Variants in PDE4A observed in about 807,000 individuals in gnomAD.
PDE4A encodes the protein 3',5'-cyclic-AMP phosphodiesterase 4A.
PDE4A carries 21 observed loss-of-function variants against 73.9 expected under a neutral mutation model. The observed-to-expected ratio is 0.28, with a 90% CI of 0.20 to 0.41. PDE4A has a LOEUF of 0.41. PDE4A is among the 10% of genes least tolerant of loss of function. The pLI is 1.00. For missense variants in PDE4A, 958 were observed against 1,211.4 expected (o/e 0.79, Z 3.10); for synonymous variants, 463 against 505.4 (o/e 0.92, Z 1.13).
chr19:10,446,901 C>CTTTTTTTCTCTTTTTTTTT, intron 2 of PDE4A, among the ~76,000 whole-genome samples: 1 of 145,508 alleles, frequency 6.9e-6, no homozygotes, highest in East Asian at 2.0e-4. Flanking sequence ...GCCTCAGTTC[C>CTTTTTTTCTCTTTTTTTTT]TTTTTTTTTT....
intron 1 of PDE4A, among the ~76,000 whole-genome samples, chr19:10,440,460 G>T (rs1215857426): frequency 6.6e-6 from 1 of 152,194 alleles, no homozygotes; most frequent in African/African-American, 2.4e-5. Flanking sequence ...GTCTCACTCT[G>T]TTGCCCAGGC....
chr19:10,463,699 C>T, intron 13 of PDE4A, 94 bp from the exon 14 acceptor site: 3 of 1,566,214 alleles, frequency 1.9e-6, no homozygotes, highest in East Asian at 2.3e-5. Context: ...CAGTGCCTGG[C>T]CCCCATTTCT....
At position 10,467,441 on chromosome 19, in the gene PDE4A, G is replaced by A; in HGVS notation, c.2481G>A (p.Leu827=). ...CCCTTCTCCCTGCTTGGAGGACCCT[G>A]TCTGTTTCAGAGCATGCCCCGGGCC... ...QSPLLPAWRT[L]SVSEHAPGLP... is the part of the protein sequence containing the mutation. Residue 827 remains leucine (L), a synonymous_variant, in exon 15 of 15, where the codon CTG becomes CTA. Coordinates refer to ENST00000380702, the MANE Select transcript of PDE4A (RefSeq NM_001111307.2). 2 of 1,613,790 alleles carry A rather than the reference G, an allele frequency of 1.2e-6. No individual in the cohort carries two copies. The highest frequency in any genetic ancestry group is 1.7e-6 in the Non-Finnish European group (2 of 1,179,866).
chr19:10,450,861 C>T lies in PDE4A; in HGVS notation c.703C>T (p.Leu235=), dbSNP rs1323371380. The T allele has an allele frequency of 6.2e-7, 1 of 1,611,816 alleles. No homozygotes were observed. Among genetic ancestry groups the T allele is most frequent in the African/African-American group, 1.3e-5 (1 of 74,924 alleles). ...GTGTCAGCAGTTGGCCCGGGAGACT[C>T]TGGAGGAGCTGGACTGGTGTCTGGA... The part of the protein sequence containing the change: ...ETCQQLARET[L]EELDWCLEQL... Residue 235 remains leucine, a synonymous_variant, in exon 6 of 15, where the codon CTG becomes TTG. Transcript: ENST00000380702.
At chr19:10,416,956 G>C, upstream of PDE4A, 1 of 1,544,746 alleles carries the variant, frequency 6.5e-7, no homozygotes, top group Non-Finnish European at 8.7e-7. Context: ...AAGAGGAGTC[G>C]CAGTGCCCTG....
rs1185837386 is a variant in PDE4A at position 10,457,903 on chromosome 19, C to T, written c.902C>T (p.Pro301Leu). The T allele has an allele frequency of 6.2e-7, 1 of 1,612,398 alleles. No homozygotes were observed. The highest frequency in any genetic ancestry group is 1.7e-5 in the Admixed American group (1 of 60,002). ...GACAAACAGAATGAAGTGGAGATCC[C>T]ATCACCCACGATGAAGGAACGAGAA... ...FLDKQNEVEIPSPTMKEREKQ... is the reference protein window; with the variant it reads ...FLDKQNEVEILSPTMKEREKQ... Residue 301 changes from proline to leucine, a missense_variant, in exon 8 of 15, where the codon CCA becomes CTA. This residue lies in a region of PDE4A where 570 missense variants were observed against 827.7 expected (regional missense o/e 0.69). Coordinates refer to ENST00000380702, the MANE Select transcript of PDE4A (RefSeq NM_001111307.2).
At position 10,449,195 on chromosome 19, in the gene PDE4A, C is replaced by A. The variant is rs150091236; in HGVS notation, c.620+45C>A. The A allele has an allele frequency of 2.1e-4, 340 of 1,593,762 alleles. 2 individuals are homozygous for A. In the East Asian group the frequency reaches 4.1e-3, roughly 19 times the overall value. On this transcript the variant is annotated intron_variant, in intron 4 of 14. Transcript: ENST00000380702. ...CAACAGCTGTGATCATAAGGTGAAG[C>A]ATATGCGGGTTCTGCTCTCAGCCCT...
At chr19:10,460,652 G>C (rs2043248340) in intron 10 of PDE4A, among the ~76,000 whole-genome samples, 1 of 151,896 alleles carries the variant, frequency 6.6e-6, no homozygotes, top group Admixed American at 6.6e-5. Context: ...TTAAAAATTA[G>C]CCGGGCGTGG....
upstream of PDE4A, chr19:10,420,449 G>A (rs2042633416): frequency 1.1e-6 from 1 of 898,200 alleles, no homozygotes; most frequent in Non-Finnish European, 1.3e-6. The surrounding 1 kb of genome is among the most constrained non-coding windows in gnomAD (Gnocchi z 6.0). Flanking sequence ...GACAGCCGCG[G>A]CGGGCGGGGG....
intron 13 of PDE4A, among the ~76,000 whole-genome samples, chr19:10,462,561 A>G (rs749068808): frequency 1.5e-4 from 23 of 152,096 alleles, no homozygotes; most frequent in Non-Finnish European, 2.9e-4. Context: ...AGCTGAAGTT[A>G]TCCTCCTGTC....
At chr19:10,451,040 G>A in intron 6 of PDE4A, 99 bp downstream of exon 6, 1 of 1,159,460 alleles carries the variant, frequency 8.6e-7, no homozygotes, top group Non-Finnish European at 1.2e-6. Context: ...GCGGCCTGCG[G>A]ATGGAGCCAG....
chr19:10,450,508 C>G, intron 4 of PDE4A, 95 bp from the exon 5 acceptor site: 1 of 1,486,630 alleles, frequency 6.7e-7, no homozygotes, highest in Middle Eastern at 1.8e-4. Context: ...AGTTTTCAGA[C>G]AAATGAAAAT....
intron 11 of PDE4A, 128 bp from the exon 12 acceptor site, chr19:10,461,398 G>A (rs2043267246): frequency 2.6e-6 from 4 of 1,518,660 alleles, no homozygotes; most frequent in Non-Finnish European, 3.5e-6. Context: ...GGCTGGGGTA[G>A]AGCTGACTGG....
At chr19:10,463,455 G>A (rs1302122867) in intron 13 of PDE4A, among the ~76,000 whole-genome samples, 1 of 144,068 alleles carries the variant, frequency 6.9e-6, no homozygotes, top group Non-Finnish European at 1.5e-5. Flanking sequence ...AGGCTGGAGG[G>A]CAGTGGCTTG....
chr19:10,421,136 A>G (rs975729309), intron 1 of PDE4A, 52 bp downstream of exon 1: 24 of 1,340,016 alleles, frequency 1.8e-5, no homozygotes, highest in Non-Finnish European at 2.3e-5. Context: ...CGCAGGGAGG[A>G]GGCAACTCGA....
chr19:10,427,163 A>C (rs886776974), intron 1 of PDE4A, among the ~76,000 whole-genome samples: 6 of 152,070 alleles, frequency 3.9e-5, no homozygotes, highest in African/African-American at 1.4e-4. Flanking sequence ...AGCTGGGCGC[A>C]GTGGCAAGTG....
At chr19:10,439,502 G>C (rs940770070) in intron 1 of PDE4A, among the ~76,000 whole-genome samples, 4 of 152,122 alleles carry the variant, frequency 2.6e-5, no homozygotes, top group African/African-American at 9.7e-5. Flanking sequence ...TTTGATTGGG[G>C]TTACAGTGGT....
At position 10,453,366 on chromosome 19, in the gene PDE4A, T is replaced by C; in HGVS notation, c.784-1463T>C. ...CAGGGTAGGGGGTGGGCGGGCATCC[T>C]GGTGAGCTGGGCCCCCGGTGTGGGC... On this transcript the variant is annotated intron_variant, in intron 6 of 14. Coordinates refer to ENST00000380702, the MANE Select transcript of PDE4A (RefSeq NM_001111307.2). This position sits in a 1 kb window ranked among gnomAD's most constrained non-coding sequence, Gnocchi z 4.6. 6.3e-7 allele frequency: 1 copy of C among 1,595,966 alleles called. No individual in the cohort carries two copies. The highest frequency in any genetic ancestry group is 8.5e-7 in the Non-Finnish European group (1 of 1,173,480).
Position 10,459,771 on chromosome 19 carries a change from C to A in PDE4A, c.1365+12C>A, listed in dbSNP as rs1235903340. On this transcript the variant is annotated intron_variant, in intron 10 of 14. Coordinates refer to ENST00000380702, the MANE Select transcript of PDE4A (RefSeq NM_001111307.2). ...CGCCTGCACTAGATGTGAGTGACTG[C>A]CCTGTGAGTGACCGTCCCCATCTCT... The A allele has an allele frequency of 6.3e-7, 1 of 1,592,736 alleles. No homozygotes were observed. Among genetic ancestry groups the A allele is most frequent in the Admixed American group, 1.7e-5 (1 of 59,038 alleles).
Sources: allele counts gnomAD v4.1 joint callset (sites outside exome capture counted in the v4.1 genomes callset), GRCh38; gene constraint gnomAD v4.1.1; regional missense constraint gnomAD v4.1.1; non-coding constraint Gnocchi (gnomAD v3.1); transcripts MANE v1.5; gene names NCBI Gene and HGNC (gene_info 2026-07-23, HGNC 2026-07-21).